COL4A4: variants seen among roughly 807,000 people sequenced by gnomAD.
COL4A4 encodes collagen alpha-4(IV) chain.
A neutral mutation model predicts 192.9 loss-of-function variants in COL4A4; 105 were observed. That is an observed-to-expected ratio of 0.54 (90% CI 0.46 to 0.64). The LOEUF (loss-of-function observed/expected upper bound fraction) is 0.64, where lower values mean the gene tolerates loss of function less well. Among genes scored for constraint, COL4A4 ranks in the 30% least tolerant of loss-of-function variants. COL4A4 has a pLI of 0.00. For missense variants in COL4A4, 1,967 were observed against 2,169.3 expected (o/e 0.91, Z 1.85); for synonymous variants, 762 against 769.9 (o/e 0.99, Z 0.17).
chr2:227,039,729 C>T, intron 37 of COL4A4, among the ~76,000 whole-genome samples: 1 of 152,068 alleles, frequency 6.6e-6, no homozygotes, highest in East Asian at 1.9e-4. Flanking sequence ...CAACTGTCTT[C>T]CGGACACAAA....
intron 38 of COL4A4, 94 bp downstream of exon 38, chr2:227,033,316 T>C: frequency 9.2e-7 from 1 of 1,083,108 alleles, no homozygotes; most frequent in Non-Finnish European, 1.4e-6. Context: ...TGCCTCCAAA[T>C]CTCATGAAGT....
At chr2:227,145,279 C>G (rs577019974) in intron 2 of COL4A4, among the ~76,000 whole-genome samples, 3 of 152,112 alleles carry the variant, frequency 2.0e-5, no homozygotes, top group Non-Finnish European at 4.4e-5. Context: ...GAAACCCCAT[C>G]TCTACTAAAA....
Position 227,123,239 on chromosome 2 carries a change from C to G in COL4A4, c.193-2091G>C, listed in dbSNP as rs1025926105. Among the ~76,000 whole-genome samples, 1 of 152,030 alleles carries G rather than the reference C, an allele frequency of 6.6e-6. No individual in the cohort carries two copies. Among genetic ancestry groups the G allele is most frequent in the Non-Finnish European group, 1.5e-5 (1 of 68,024 alleles). ...CAGGAGGGAGATGGGGCAGGAGCCC[C>G]GTAAAAATAGTGCAAGAACATTCAC... On this transcript the variant is annotated intron_variant, in intron 4 of 47. Transcript: ENST00000396625. The surrounding 1 kb of genome is among the most constrained non-coding windows in gnomAD (Gnocchi z 4.6).
At chr2:227,046,642 A>G (rs1972927503) in intron 35 of COL4A4, among the ~76,000 whole-genome samples, 1 of 152,082 alleles carries the variant, frequency 6.6e-6, no homozygotes, top group Non-Finnish European at 1.5e-5. Context: ...AATATCTGCA[A>G]CATTTTCTGA....
intron 28 of COL4A4, 125 bp downstream of exon 28, chr2:227,059,280 G>T (rs996417277): frequency 3.2e-5 from 28 of 863,944 alleles, no homozygotes; most frequent in Admixed American, 6.8e-5. Context: ...CCAAATGAGG[G>T]AAAACACTTG....
chr2:227,045,863 C>T (rs1399323487), intron 35 of COL4A4, among the ~76,000 whole-genome samples: 3,420 of 66,534 alleles, frequency 0.051, 705 homozygotes, highest in South Asian at 0.1. Context: ...TATATATATA[C>T]ACATATATAT....
intron 25 of COL4A4, among the ~76,000 whole-genome samples, chr2:227,070,482 A>G (rs1016362721): frequency 1.6e-4 from 24 of 151,956 alleles, no homozygotes; most frequent in Non-Finnish European, 3.4e-4. Context: ...ATGTCCAACA[A>G]TGATAGACTG....
chr2:227,030,372 C>T (rs1968017022), intron 41 of COL4A4, 71 bp downstream of exon 41: 3 of 1,506,670 alleles, frequency 2.0e-6, no homozygotes, highest in Middle Eastern at 3.8e-4. Flanking sequence ...AATGGCGGCA[C>T]AGTACCCCAG....
intron 28 of COL4A4, among the ~76,000 whole-genome samples, chr2:227,058,466 T>C (rs1559517983): frequency 6.6e-6 from 1 of 152,214 alleles, no homozygotes; most frequent in African/African-American, 2.4e-5. Context: ...TACTTTCCAA[T>C]TAATTGTTTC....
the COL4A4 span, chr2:226,988,648 G>C: frequency 7.6e-7 from 1 of 1,319,192 alleles, no homozygotes; most frequent in Non-Finnish European, 9.6e-7. Context: ...GCTTCTGAGA[G>C]GAAGGTAGGA....
rs150494565 is a variant in COL4A4, at chr2:227,146,129, C to T, written c.71+1284G>A. On this transcript the variant is annotated intron_variant, in intron 2 of 47. Coordinates refer to ENST00000396625, the MANE Select transcript of COL4A4 (RefSeq NM_000092.5). ...AACCTTTTATAGAAGAGCAAACAGA[C>T]TTAGAAAAGTTGGACAATATGCTCC... Among the ~76,000 whole-genome samples the T allele has an allele frequency of 2.2e-3, 340 of 152,322 alleles. 1 individual carries two copies. The highest frequency in any genetic ancestry group is 6.8e-3 in the Middle Eastern group (2 of 294).
chr2:227,088,877 T>A (rs1196130493), intron 21 of COL4A4, 61 bp from the exon 22 acceptor site: 1 of 1,578,084 alleles, frequency 6.3e-7, no homozygotes, highest in Non-Finnish European at 8.7e-7. Flanking sequence ...CAATAAGGGC[T>A]TTACTGTACA....
intron 19 of COL4A4, among the ~76,000 whole-genome samples, chr2:227,096,760 T>C (rs2060224679): frequency 6.6e-6 from 1 of 152,182 alleles, no homozygotes; most frequent in Admixed American, 6.5e-5. Context: ...ACTTTTCTAG[T>C]TCATAGTGCA....
rs550413134 is a variant in COL4A4, at chr2:227,096,925, C to T, written c.1204+1769G>A. ...CAAATTATCTACAAGATATTCTATA[C>T]GTTGTATATATAGTAAATACCATAG... On this transcript the variant is annotated intron_variant, in intron 19 of 47. Transcript: ENST00000396625. Among the ~76,000 whole-genome samples, 645 of 152,104 alleles carry T rather than the reference C, an allele frequency of 4.2e-3. 3 individuals carry two copies. The highest frequency in any genetic ancestry group is 7.1e-3 in the Non-Finnish European group (480 of 67,990).
Position 227,096,632 on chromosome 2 carries a change from C to T in COL4A4, c.1204+2062G>A, listed in dbSNP as rs188650922. 2.1e-3 allele frequency among the ~76,000 whole-genome samples: 319 copies of T among 152,234 alleles called. 2 individuals are homozygous for T. The Middle Eastern group carries it at 0.024, about 11-fold the overall frequency. On this transcript the variant is annotated intron_variant, in intron 19 of 47. Transcript: ENST00000396625. Reference sequence around the variant, plus strand: ...TATACACTAGACTGCAGTCTAAAGGCTGTATACATATTATTTCTTTCAACC... The same window carrying T: ...TATACACTAGACTGCAGTCTAAAGGTTGTATACATATTATTTCTTTCAACC...
intron 19 of COL4A4, among the ~76,000 whole-genome samples, chr2:227,094,561 T>C (rs1170652560): frequency 6.6e-6 from 1 of 151,648 alleles, no homozygotes; most frequent in African/African-American, 2.4e-5. Context: ...AGGAATGGAG[T>C]GATGTTGGTC....
intron 23 of COL4A4, among the ~76,000 whole-genome samples, chr2:227,081,054 G>T (rs532285842): frequency 7.2e-5 from 11 of 152,318 alleles, no homozygotes; most frequent in Non-Finnish European, 1.6e-4. Context: ...GATGCAGGGA[G>T]AGCCTCTTGA....
At chr2:226,967,431 T>A in the COL4A4 span, among the ~76,000 whole-genome samples, 1 of 152,102 alleles carries the variant, frequency 6.6e-6, no homozygotes, top group Non-Finnish European at 1.5e-5. Context: ...ATGTGCACAA[T>A]GTGCAGGTTT....
chr2:226,969,633 T>G, the COL4A4 span, among the ~76,000 whole-genome samples: 65,501 of 151,896 alleles, frequency 0.43, 14,213 homozygotes, highest in South Asian at 0.52. Context: ...ACTTCTTTCC[T>G]TTTCAGAACT....
Sources: gnomAD v4.1 joint callset for allele counts (sites outside exome capture counted in the v4.1 genomes callset) on GRCh38, gnomAD v4.1.1 for gene constraint, Gnocchi (gnomAD v3.1) non-coding constraint, MANE v1.5 for transcripts, NCBI Gene and HGNC (gene_info 2026-07-23, HGNC 2026-07-21) for gene names.